HDAC4: variants seen among roughly 807,000 people sequenced by gnomAD.
HDAC4 encodes histone deacetylase 4, also known as histone deacetylase A.
HDAC4 carries 16 observed loss-of-function variants against 135.1 expected under a neutral mutation model. That is an observed-to-expected ratio of 0.12 (90% CI 0.08 to 0.18). The LOEUF is 0.18. HDAC4 is among the 10% of genes least tolerant of loss of function. HDAC4 has a pLI of 1.00. For synonymous variants in HDAC4, 685 were observed against 653.4 expected (o/e 1.05, Z -0.74); for missense variants, 1,143 against 1,511.8 (o/e 0.76, Z 4.05).
chr2:239,186,121 C>A (rs1030419700), intron 4 of HDAC4, among the ~76,000 whole-genome samples: 3 of 152,022 alleles, frequency 2.0e-5, no homozygotes, highest in Non-Finnish European at 4.4e-5. Context: ...AAGCACCATC[C>A]GAGAAGGAGA....
intron 1 of HDAC4, among the ~76,000 whole-genome samples, chr2:239,364,712 A>T (rs1316973228): frequency 6.6e-6 from 1 of 152,280 alleles, no homozygotes; most frequent in Non-Finnish European, 1.5e-5. Flanking sequence ...AATGACTCAA[A>T]GCCATCTTGC....
chr2:239,062,234 G>A (rs926348992), intron 24 of HDAC4, among the ~76,000 whole-genome samples: 12 of 152,388 alleles, frequency 7.9e-5, no homozygotes, highest in African/African-American at 2.9e-4. Context: ...CAGAGGGGTC[G>A]CTCTGATAGC....
Position 239,308,063 on chromosome 2 carries a change from C to T in HDAC4, c.22+44615G>A, listed in dbSNP as rs561964492. Among the ~76,000 whole-genome samples, 1 of 152,352 alleles carries T rather than the reference C, an allele frequency of 6.6e-6. No homozygotes were observed. The highest frequency in any genetic ancestry group is 6.5e-5 in the Admixed American group (1 of 15,310). ...CAAGGATGGCCCATCCCACCCCCAACGGTGAGAGCCGGGCCCATCACAAGC... is the reference window on the plus strand; with the variant it reads ...CAAGGATGGCCCATCCCACCCCCAATGGTGAGAGCCGGGCCCATCACAAGC... On this transcript the variant is annotated intron_variant, in intron 2 of 26. Coordinates refer to ENST00000543185, the MANE Select transcript of HDAC4 (RefSeq NM_001378414.1). This position sits in a 1 kb window ranked among gnomAD's most constrained non-coding sequence, Gnocchi z 4.2.
chr2:239,126,585 C>A lies in HDAC4; in HGVS notation c.1404G>T (p.Gly468=). 1 of 1,613,888 alleles carries A rather than the reference C, an allele frequency of 6.2e-7. No homozygotes were observed. Among genetic ancestry groups the A allele is most frequent in the Non-Finnish European group, 8.5e-7 (1 of 1,179,992 alleles). The change falls in exon 12 of 27, where the codon GGG becomes GGT. Residue 468 remains glycine, a synonymous_variant. Transcript: ENST00000543185. ...IHKLRQHRPL[G]RTQSAPLPQN... ...GGGGCAGCGGGGCCGACTGGGTCCGCCCCAGTGGGCGGTGCTGCCGCAGCT... is the reference window on the plus strand; with the variant it reads ...GGGGCAGCGGGGCCGACTGGGTCCGACCCAGTGGGCGGTGCTGCCGCAGCT...
chr2:239,399,351 G>A (rs749709111), intron 1 of HDAC4, among the ~76,000 whole-genome samples: 1 of 152,098 alleles, frequency 6.6e-6, no homozygotes, highest in Non-Finnish European at 1.5e-5. Flanking sequence ...CTGCTGTAGT[G>A]TATATTTGTG....
intron 2 of HDAC4, among the ~76,000 whole-genome samples, chr2:239,335,911 T>G (rs1242119517): frequency 6.6e-6 from 1 of 152,220 alleles, no homozygotes; most frequent in Non-Finnish European, 1.5e-5. Context: ...CATACTTATA[T>G]GAACCAATTG....
rs1575664685 is a variant in HDAC4 at position 239,306,837 on chromosome 2, G to C, written c.22+45841C>G. Among the ~76,000 whole-genome samples the C allele has an allele frequency of 6.6e-6, 1 of 152,106 alleles. No homozygotes were observed. Among genetic ancestry groups the C allele is most frequent in the Non-Finnish European group, 1.5e-5 (1 of 68,008 alleles). ...TTTCCCACACACCCCCGAGGAGCCA[G>C]ACAGGATCGAGAGAACCTTCTGGAA... On this transcript the variant is annotated intron_variant, in intron 2 of 26. Coordinates refer to ENST00000543185, the MANE Select transcript of HDAC4 (RefSeq NM_001378414.1). The surrounding 1 kb of genome is among the most constrained non-coding windows in gnomAD (Gnocchi z 4.5).
chr2:239,378,326 C>T (rs753196361), intron 1 of HDAC4, among the ~76,000 whole-genome samples: 4 of 152,122 alleles, frequency 2.6e-5, no homozygotes, highest in South Asian at 2.1e-4. Context: ...AGGATGGAGA[C>T]GGAGTTGGCA....
intron 12 of HDAC4, among the ~76,000 whole-genome samples, chr2:239,123,517 C>T (rs2039877210): frequency 2.6e-5 from 4 of 152,220 alleles, no homozygotes; most frequent in Non-Finnish European, 2.9e-5. Flanking sequence ...CCAAGGGGCC[C>T]ATCTCCTCAA....
chr2:239,066,929 A>G lies in HDAC4; in HGVS notation c.2870-74T>C, dbSNP rs776700948. On this transcript the variant is annotated intron_variant, in intron 23 of 26. Transcript: ENST00000543185. ...CCAGCACAGCCCAGAAACGCGTCTC[A>G]TGGCATCGTAAGAAGACTGGGGGCT... 17 of 1,540,230 alleles carry G rather than the reference A, an allele frequency of 1.1e-5. No individual in the cohort carries two copies. In the South Asian group the frequency reaches 1.9e-4, roughly 17 times the overall value.
intron 5 of HDAC4, among the ~76,000 whole-genome samples, chr2:239,165,593 C>T (rs1433162584): frequency 3.3e-5 from 5 of 152,136 alleles, no homozygotes; most frequent in African/African-American, 1.2e-4. Context: ...GGTTCGGCCT[C>T]GCATGAGAGC....
Position 239,052,907 on chromosome 2 carries a change from G to C in HDAC4, c.*190C>G. 1 of 662,586 alleles carries C rather than the reference G, an allele frequency of 1.5e-6. No homozygotes were observed. Among genetic ancestry groups the C allele is most frequent in the South Asian group, 1.7e-5 (1 of 58,082 alleles). The allele number at this position is 662,586 out of a possible 1,614,324, so 41.0% of individuals were successfully genotyped here. A position where few individuals can be genotyped will look rare whatever the true frequency, so the allele number is the denominator to read the frequency against. On this transcript the variant is annotated 3_prime_UTR_variant, in exon 27 of 27. Transcript: ENST00000543185. ...TTCCCTGTGAGGCTGCCACGCCCAG[G>C]CGTGCATGTGCGTCTCGAGACCTGT...
rs2152880457 is a variant in HDAC4, at chr2:239,134,168, G to A, written c.1294+77C>T. ...GGCGTGCATTCCTGTCTCCTCCAAA[G>A]GCAGGCGAAGGCGGGGCACCATCCA... On this transcript the variant is annotated intron_variant, in intron 11 of 26. Transcript: ENST00000543185. 5 of 1,188,722 alleles carry A rather than the reference G, an allele frequency of 4.2e-6. No individual in the cohort carries two copies. In the East Asian group the frequency reaches 1.2e-4, roughly 28 times the overall value. 73.6% of individuals were successfully genotyped at this position (1,188,722 alleles called of 1,614,324 possible). A position where few individuals can be genotyped will look rare whatever the true frequency, so the allele number is the denominator to read the frequency against.
chr2:239,207,959 T>C (rs553873391), intron 3 of HDAC4, among the ~76,000 whole-genome samples: 17 of 152,234 alleles, frequency 1.1e-4, no homozygotes, highest in Non-Finnish European at 2.4e-4. Flanking sequence ...AAATAAACTA[T>C]GAGCAAGCTT....
At chr2:239,242,876 A>T (rs2048266771) in intron 2 of HDAC4, among the ~76,000 whole-genome samples, 1 of 152,238 alleles carries the variant, frequency 6.6e-6, no homozygotes, top group African/African-American at 2.4e-5. Context: ...TTCTGCATCA[A>T]TTCAGCTTAT....
intron 5 of HDAC4, 132 bp from the exon 6 acceptor site, chr2:239,164,055 G>C: frequency 9.1e-7 from 1 of 1,097,454 alleles, no homozygotes; most frequent in Non-Finnish European, 1.4e-6. Flanking sequence ...GTGGCCTCCT[G>C]AGCGCTTCCT....
intron 4 of HDAC4, among the ~76,000 whole-genome samples, chr2:239,177,870 C>T (rs1321249779): frequency 6.6e-6 from 1 of 152,190 alleles, no homozygotes; most frequent in East Asian, 1.9e-4. Context: ...ATTTCACTCA[C>T]GGTATCGGAA....
intron 1 of HDAC4, among the ~76,000 whole-genome samples, chr2:239,372,800 TACACAC>T (rs779596214): frequency 6.6e-6 from 1 of 151,970 alleles, no homozygotes; most frequent in South Asian, 2.1e-4. Flanking sequence ...TCCATACACA[TACACAC>T]ACACGCACAC....
At chr2:239,096,185 G>A (rs1037197939) in intron 16 of HDAC4, among the ~76,000 whole-genome samples, 25 of 152,128 alleles carry the variant, frequency 1.6e-4, no homozygotes, top group Admixed American at 1.2e-3. Flanking sequence ...TTGCCGGCCC[G>A]GTTAGCACGA....
Sources: gnomAD v4.1 joint callset for allele counts (sites outside exome capture counted in the v4.1 genomes callset) on GRCh38, gnomAD v4.1.1 for gene constraint, Gnocchi (gnomAD v3.1) non-coding constraint, MANE v1.5 for transcripts, NCBI Gene and HGNC (gene_info 2026-07-23, HGNC 2026-07-21) for gene names.